The following FHIP1A variants were observed in gnomAD, a reference collection of about 807,000 sequenced individuals.
The protein encoded by FHIP1A is FHF complex subunit HOOK-interacting protein 1A.
Under a neutral mutation model 88.6 loss-of-function variants are expected in FHIP1A, and 61 were observed. The observed-to-expected ratio is 0.69, with a 90% CI of 0.56 to 0.85. FHIP1A has a LOEUF of 0.85. Ranked by LOEUF, FHIP1A falls within the 40% of genes least tolerant of loss-of-function variation. FHIP1A has a pLI of 0.00. For synonymous variants in FHIP1A, 478 were observed against 496.0 expected (o/e 0.96, Z 0.48); for missense variants, 1,154 against 1,273.5 (o/e 0.91, Z 1.43).
At chr4:151,460,261 G>C (rs1413983055) in intron 2 of FHIP1A, among the ~76,000 whole-genome samples, 1 of 152,062 alleles carries the variant, frequency 6.6e-6, no homozygotes, top group African/African-American at 2.4e-5. Flanking sequence ...GTGTGAGAGA[G>C]GTAAACATTT....
intron 8 of FHIP1A, among the ~76,000 whole-genome samples, chr4:151,630,324 T>C (rs1221954201): frequency 6.6e-6 from 1 of 152,168 alleles, no homozygotes; most frequent in Admixed American, 6.5e-5. Flanking sequence ...TGGTCATTCT[T>C]CATTTTGAAG....
chr4:151,642,661 T>C (rs1736631292), intron 9 of FHIP1A, among the ~76,000 whole-genome samples: 1 of 152,150 alleles, frequency 6.6e-6, no homozygotes, highest in African/African-American at 2.4e-5. Context: ...CTCATCGTAC[T>C]TCACTGCCTT....
At chr4:151,536,619 CT>C (rs1732080182) in intron 3 of FHIP1A, among the ~76,000 whole-genome samples, 1 of 152,162 alleles carries the variant, frequency 6.6e-6, no homozygotes, top group Non-Finnish European at 1.5e-5. Flanking sequence ...GTCATTCAAG[CT>C]GTTGTTGGTA....
chr4:151,412,638 CCCTCCCTG>C (rs1377885744), intron 1 of FHIP1A, among the ~76,000 whole-genome samples: 4 of 127,804 alleles, frequency 3.1e-5, no homozygotes, highest in African/African-American at 8.9e-5. Flanking sequence ...CTCCCTCCCT[CCCTCCCTG>C]CCTCCCTTCT....
At chr4:151,409,941 C>T (rs1023900706) in intron 1 of FHIP1A, among the ~76,000 whole-genome samples, 1 of 152,164 alleles carries the variant, frequency 6.6e-6, no homozygotes, top group Admixed American at 6.5e-5. Flanking sequence ...TAAGGACTTA[C>T]TGGTTAGGTA....
Position 151,545,369 on chromosome 4 carries a change from C to CTTTTTTTTTT in FHIP1A, c.-122-20752_-122-20743dup, listed in dbSNP as rs569126288. Among the ~76,000 whole-genome samples, 395 of 81,678 alleles carry CTTTTTTTTTT rather than the reference C, an allele frequency of 4.8e-3. 41 individuals carry two copies. Among genetic ancestry groups the CTTTTTTTTTT allele is most frequent in the African/African-American group, 0.019 (378 of 19,648 alleles). The allele number at this position is 81,678 out of a possible 152,430, so 53.6% of individuals were successfully genotyped here. A position where few individuals can be genotyped will look rare whatever the true frequency, so the allele number is the denominator to read the frequency against. On this transcript the variant is annotated intron_variant, in intron 3 of 13. Transcript: ENST00000435205. ...CAAGGCAAAATATTTCCTTATCCTTCTTTTTTTTTTTTTTTTTTTTTTTTT... is the reference window on the plus strand; with the variant it reads ...CAAGGCAAAATATTTCCTTATCCTTCTTTTTTTTTTTTTTTTTTTTTTTTTTTTTTTTTTT...
chr4:151,446,484 CT>C lies in FHIP1A; in HGVS notation c.-355-8205del, dbSNP rs372904502. On this transcript the variant is annotated intron_variant, in intron 1 of 13. Transcript: ENST00000435205. The stretch of plus-strand genomic sequence containing the variant: ...TCCTTTCCTTTTCCCTTTCCTTTTC[CT>C]TTTTTTTTTTTGCAGGATTCATTTT... Among the ~76,000 whole-genome samples the C allele has an allele frequency of 6.3e-4, 86 of 136,506 alleles. 1 individual carries two copies. The highest frequency in any genetic ancestry group is 7.3e-3 in the Middle Eastern group (2 of 274). 89.6% of individuals were successfully genotyped at this position (136,506 alleles called of 152,430 possible). A position where few individuals can be genotyped will look rare whatever the true frequency, so the allele number is the denominator to read the frequency against.
At position 151,440,963 on chromosome 4, in the gene FHIP1A, A is replaced by G. The variant is rs552335095; in HGVS notation, c.-355-13738A>G. 3.3e-5 allele frequency among the ~76,000 whole-genome samples: 5 copies of G among 152,054 alleles called. No homozygotes were observed. The East Asian group carries it at 9.7e-4, about 29-fold the overall frequency. On this transcript the variant is annotated intron_variant, in intron 1 of 13. Coordinates refer to ENST00000435205, the MANE Select transcript of FHIP1A (RefSeq NM_001109977.3). ...GAATGCAGTCCTGCTTCTGCTTTAA[A>G]TCCCCTCTGTTCACTAGGCTGTTTT...
chr4:151,613,386 T>C (rs1229554491), intron 7 of FHIP1A, among the ~76,000 whole-genome samples: 1 of 152,228 alleles, frequency 6.6e-6, no homozygotes, highest in African/African-American at 2.4e-5. Context: ...ATTTATCTCA[T>C]GTGGCAGGTG....
rs182812082 is a variant in FHIP1A at position 151,416,626 on chromosome 4, A to G, written c.-356+7161A>G. ...TTTGTACATCCTCAAAATAAGGATG[A>G]TGTCTCCATATTTATTTATTAGAAA... is the stretch of plus-strand genomic sequence containing the variant. On this transcript the variant is annotated intron_variant, in intron 1 of 13. Transcript: ENST00000435205. Among the ~76,000 whole-genome samples, 710 of 152,260 alleles carry G rather than the reference A, an allele frequency of 4.7e-3. 3 individuals carry two copies. The highest frequency in any genetic ancestry group is 0.016 in the African/African-American group (664 of 41,552).
At chr4:151,443,759 C>T (rs1291411969) in intron 1 of FHIP1A, among the ~76,000 whole-genome samples, 1 of 146,732 alleles carries the variant, frequency 6.8e-6, no homozygotes, top group Non-Finnish European at 1.5e-5. Flanking sequence ...AGCTTTTCTT[C>T]ACCCCCAAAA....
chr4:151,444,844 A>G (rs918787589), intron 1 of FHIP1A, among the ~76,000 whole-genome samples: 4 of 152,170 alleles, frequency 2.6e-5, no homozygotes, highest in African/African-American at 9.7e-5. Context: ...AGAGGATTAC[A>G]ATTTTTTACT....
rs1299278512 is a variant in FHIP1A at position 151,570,433 on chromosome 4, C to A, written c.105+4069C>A. Reference sequence around the variant, plus strand: ...GAGTATTCTATCACTCTTACACCAACCACCTTTTAATTTAATTACTTATAT... The same window carrying A: ...GAGTATTCTATCACTCTTACACCAAACACCTTTTAATTTAATTACTTATAT... On this transcript the variant is annotated intron_variant, in intron 4 of 13. Coordinates refer to ENST00000435205, the MANE Select transcript of FHIP1A (RefSeq NM_001109977.3). 3.9e-5 allele frequency among the ~76,000 whole-genome samples: 6 copies of A among 151,960 alleles called. No homozygotes were observed. The East Asian group carries it at 1.2e-3, about 29-fold the overall frequency.
At chr4:151,647,082 A>G (rs141568551) in intron 10 of FHIP1A, among the ~76,000 whole-genome samples, 3 of 152,342 alleles carry the variant, frequency 2.0e-5, no homozygotes, top group Non-Finnish European at 4.4e-5. Flanking sequence ...TTGCTGAGAC[A>G]GAATCAGCCC....
In FHIP1A at chr4:151,650,372, T is replaced by C; in HGVS notation, c.2331T>C (p.Pro777=). 1.9e-6 allele frequency: 3 copies of C among 1,551,652 alleles called. 1 individual carries two copies. In the South Asian group the frequency reaches 3.6e-5, roughly 18 times the overall value. Reference sequence around the variant, plus strand: ...TGATGGAACAGAATTACCCCACACCTGATCCCTTGCTTCTCACTAAGGAGG... The same window carrying C: ...TGATGGAACAGAATTACCCCACACCCGATCCCTTGCTTCTCACTAAGGAGG... ...EGLMEQNYPT[P]DPLLLTKEEE... The change falls in exon 11 of 14, where the codon CCT becomes CCC. Residue 777 remains proline, a synonymous_variant. Coordinates refer to ENST00000435205, the MANE Select transcript of FHIP1A (RefSeq NM_001109977.3).
intron 8 of FHIP1A, among the ~76,000 whole-genome samples, chr4:151,633,545 A>G (rs545195637): frequency 6.6e-6 from 1 of 152,114 alleles, no homozygotes; most frequent in South Asian, 2.1e-4. Flanking sequence ...TGTTGATGCA[A>G]AAATCTTTAA....
chr4:151,430,728 A>G (rs1330513780), intron 1 of FHIP1A, among the ~76,000 whole-genome samples: 2 of 152,226 alleles, frequency 1.3e-5, no homozygotes, highest in Admixed American at 6.5e-5. Flanking sequence ...TCACAGCTCC[A>G]TTCAGCTGAC....
intron 7 of FHIP1A, among the ~76,000 whole-genome samples, chr4:151,594,711 C>T (rs1208138279): frequency 6.6e-6 from 1 of 151,866 alleles, no homozygotes; most frequent in Non-Finnish European, 1.5e-5. Context: ...GTAGTTGGGA[C>T]TACAGGCGCC....
chr4:151,504,848 C>A (rs190882383), intron 3 of FHIP1A, among the ~76,000 whole-genome samples: 1 of 152,162 alleles, frequency 6.6e-6, no homozygotes, highest in Non-Finnish European at 1.5e-5. Context: ...AAACTGCTGC[C>A]TGCAGGTGAT....
Sources: allele counts gnomAD v4.1 joint callset (sites outside exome capture counted in the v4.1 genomes callset), GRCh38; gene constraint gnomAD v4.1.1; transcripts MANE v1.5; gene names NCBI Gene and HGNC (gene_info 2026-07-23, HGNC 2026-07-21).